The following PRCP variants were observed in gnomAD, a reference collection of about 807,000 sequenced individuals.
PRCP encodes prolylcarboxypeptidase.
PRCP carries 46 observed loss-of-function variants against 54.2 expected under a neutral mutation model. That is an observed-to-expected ratio of 0.85 (90% CI 0.67 to 1.09). The LOEUF is 1.09. Among genes scored for constraint, PRCP ranks in the 50% least tolerant of loss-of-function variants. The pLI, the probability that PRCP is intolerant of heterozygous loss-of-function variation, is 0.00. For synonymous variants in PRCP, 240 were observed against 212.2 expected, an observed-to-expected ratio of 1.13 and a Z score of -1.14; for missense variants, 613 against 596.8, an observed-to-expected ratio of 1.03 and a Z score of -0.28.
chr11:82,829,105 C>A (rs1033864971), intron 8 of PRCP: 1 of 152,190 alleles, frequency 6.6e-6, no homozygotes, highest in Non-Finnish European at 1.5e-5. Flanking sequence ...ACTATAATAG[C>A]CTTTTAACTG....
chr11:82,843,989 GAA>G (rs36057569), intron 6 of PRCP, among the ~76,000 whole-genome samples: 8 of 130,012 alleles, frequency 6.2e-5, no homozygotes, highest in Admixed American at 1.6e-4. Context: ...TCTGATGTGG[GAA>G]AAAAAAAAAA....
At chr11:82,866,296 T>C (rs930169130) in intron 1 of PRCP, among the ~76,000 whole-genome samples, 1 of 152,154 alleles carries the variant, frequency 6.6e-6, no homozygotes, top group Non-Finnish European at 1.5e-5. Context: ...GATACTGTCC[T>C]CCCTTCCCAC....
At chr11:82,838,135 G>A (rs1237325853) in intron 8 of PRCP, among the ~76,000 whole-genome samples, 1 of 152,038 alleles carries the variant, frequency 6.6e-6, no homozygotes, top group Admixed American at 6.6e-5. Flanking sequence ...ATTTTGTGCT[G>A]GAGAGTTTTT....
In PRCP at chr11:82,831,101, TG is replaced by T. The variant is rs1179941406; in HGVS notation, c.1275-5980del. ...GCTTTCATGAGAGGATCTAGATGCC[TG>T]GGTAAAATTCCCCCAACAGGGAGCT... On this transcript the variant is annotated intron_variant, in intron 8 of 8. Coordinates refer to ENST00000313010, the MANE Select transcript of PRCP (RefSeq NM_005040.4). 6.0e-5 allele frequency: 9 copies of T among 149,470 alleles called. No homozygotes were observed. In the East Asian group the frequency reaches 1.8e-3, roughly 29 times the overall value. 9.3% of individuals were successfully genotyped at this position (149,470 alleles called of 1,614,324 possible).
chr11:82,885,449 C>T (rs938603022), intron 1 of PRCP, among the ~76,000 whole-genome samples: 2 of 152,194 alleles, frequency 1.3e-5, no homozygotes, highest in Non-Finnish European at 2.9e-5. Context: ...CAACTACAAT[C>T]ATGGTCCAAA....
chr11:82,859,868 T>C (rs779647825), intron 2 of PRCP, 109 bp downstream of exon 2: 1 of 1,121,550 alleles, frequency 8.9e-7, no homozygotes, highest in Admixed American at 3.5e-5. Context: ...TTACAGAACT[T>C]TACAATTAAG....
intron 1 of PRCP, among the ~76,000 whole-genome samples, chr11:82,894,601 T>C (rs1860077308): frequency 6.6e-6 from 1 of 152,242 alleles, no homozygotes; most frequent in African/African-American, 2.4e-5. Context: ...TGTGATTTAG[T>C]GGCAGGGCTG....
At chr11:82,850,216 C>A in intron 4 of PRCP, 108 bp downstream of exon 4, 1 of 1,126,768 alleles carries the variant, frequency 8.9e-7, no homozygotes, top group Admixed American at 3.6e-5. Flanking sequence ...GAGACAGAAG[C>A]CAGAAACCTC....
At chr11:82,854,293 C>T (rs953028192) in intron 2 of PRCP, among the ~76,000 whole-genome samples, 2 of 152,198 alleles carry the variant, frequency 1.3e-5, no homozygotes, top group African/African-American at 4.8e-5. Context: ...AGTGACAAAA[C>T]AACTTCAGTA....
chr11:82,900,007 A>T, intron 1 of PRCP: 1 of 556,014 alleles, frequency 1.8e-6, no homozygotes, highest in Non-Finnish European at 3.1e-6. Context: ...GAAAAGCCTG[A>T]ATCAAGAGTA....
At position 82,889,351 on chromosome 11, in the gene PRCP, A is replaced by G. The variant is rs187763400; in HGVS notation, c.168+10884T>C. 4.8e-4 allele frequency among the ~76,000 whole-genome samples: 68 copies of G among 140,274 alleles called. 1 individual carries two copies. The highest frequency in any genetic ancestry group is 1.7e-3 in the African/African-American group (62 of 35,740). 92.0% of individuals were successfully genotyped at this position (140,274 alleles called of 152,430 possible). ...TGCACTCCAGCCTGGGTGACAGAGC[A>G]AGACTCTGTCTCAAAAAAAAAACCA... is the stretch of plus-strand genomic sequence containing the variant. On this transcript the variant is annotated intron_variant, in intron 1 of 8. Coordinates refer to ENST00000313010, the MANE Select transcript of PRCP (RefSeq NM_005040.4).
At chr11:82,826,143 G>A (rs1858227874) in intron 8 of PRCP, 1 of 152,130 alleles carries the variant, frequency 6.6e-6, no homozygotes, top group Non-Finnish European at 1.5e-5. Context: ...CTTGCTCTCA[G>A]CCTCAGGAAA....
intron 1 of PRCP, among the ~76,000 whole-genome samples, chr11:82,872,727 G>A (rs1052442224): frequency 1.3e-5 from 2 of 152,158 alleles, no homozygotes; most frequent in African/African-American, 2.4e-5. Context: ...TTCTGGCCTC[G>A]GGAAGTGAGA....
chr11:82,880,993 T>C (rs767045226), intron 1 of PRCP, among the ~76,000 whole-genome samples: 1 of 152,220 alleles, frequency 6.6e-6, no homozygotes, highest in Non-Finnish European at 1.5e-5. Flanking sequence ...CTTCTAGACT[T>C]GCATGCTTTA....
intron 1 of PRCP, among the ~76,000 whole-genome samples, chr11:82,899,814 T>A (rs548571854): frequency 2.6e-5 from 4 of 152,234 alleles, no homozygotes; most frequent in Non-Finnish European, 5.9e-5. Flanking sequence ...CAATATTTTC[T>A]AATAGGTAAA....
At chr11:82,850,553 CA>C in intron 3 of PRCP, 48 bp from the exon 4 acceptor site, 2 of 1,358,756 alleles carry the variant, frequency 1.5e-6, no homozygotes, top group Non-Finnish European at 2.0e-6. Context: ...CACATAACAG[CA>C]GCTTAGGAAT....
At chr11:82,879,569 G>A (rs181150548) in intron 1 of PRCP, among the ~76,000 whole-genome samples, 119 of 152,250 alleles carry the variant, frequency 7.8e-4, no homozygotes, top group African/African-American at 2.6e-3. Context: ...ACTTTGTTCT[G>A]TTGCTGGTGA....
At chr11:82,850,137 T>G (rs1428077806) in intron 4 of PRCP, 66 bp from the exon 5 acceptor site, 6 of 871,692 alleles carry the variant, frequency 6.9e-6, no homozygotes, top group African/African-American at 1.8e-5. Context: ...ATTATATATA[T>G]GTCATCTAAA....
chr11:82,856,303 G>A (rs1201748567), intron 2 of PRCP, among the ~76,000 whole-genome samples: 1 of 152,192 alleles, frequency 6.6e-6, no homozygotes, highest in African/African-American at 2.4e-5. Flanking sequence ...TAAAGACAAT[G>A]TGGTCTATAT....
Sources: allele counts gnomAD v4.1 joint callset (sites outside exome capture counted in the v4.1 genomes callset), GRCh38; gene constraint gnomAD v4.1.1; transcripts MANE v1.5; gene names NCBI Gene and HGNC (gene_info 2026-07-23, HGNC 2026-07-21).